Variants in SETX observed in about 807,000 individuals in gnomAD.
The protein encoded by SETX is helicase senataxin.
A neutral mutation model predicts 227.2 loss-of-function variants in SETX; 90 were observed. That is an observed-to-expected ratio of 0.40 (90% CI 0.33 to 0.47). SETX has a LOEUF of 0.47. SETX is among the 20% of genes least tolerant of loss of function. The pLI, the probability that SETX is intolerant of heterozygous loss-of-function variation, is 0.91. For missense variants in SETX, 3,052 were observed against 3,181.5 expected (o/e 0.96, Z 0.98); for synonymous variants, 1,210 against 1,113.2 (o/e 1.09, Z -1.73).
chr9:132,291,707 G>A (rs1443803030), intron 15 of SETX, among the ~76,000 whole-genome samples: 1 of 152,196 alleles, frequency 6.6e-6, no homozygotes, highest in Non-Finnish European at 1.5e-5. Context: ...AGGCTGGGCA[G>A]TGTCTAGGTG....
intron 5 of SETX, among the ~76,000 whole-genome samples, chr9:132,337,040 T>C (rs1460327637): frequency 3.3e-5 from 5 of 152,184 alleles, no homozygotes; most frequent in Non-Finnish European, 5.9e-5. Context: ...CACTCCAGCC[T>C]GGGCGACAAG....
Position 132,324,043 on chromosome 9 carries a change from C to T in SETX, c.5274+2281G>A, listed in dbSNP as rs72765819. Among the ~76,000 whole-genome samples, 1,265 of 152,192 alleles carry T rather than the reference C, an allele frequency of 8.3e-3. 7 individuals are homozygous for T. The highest frequency in any genetic ancestry group is 0.017 in the Middle Eastern group (5 of 294). ...GATAGAAATCTTTGACTATTTTAAA[C>T]TCTGTATATGTACAAATGGAACTTG... On this transcript the variant is annotated intron_variant, in intron 10 of 25. Coordinates refer to ENST00000224140, the MANE Select transcript of SETX (RefSeq NM_015046.7).
chr9:132,280,095 A>G (rs1017542160), intron 20 of SETX, among the ~76,000 whole-genome samples: 5 of 152,214 alleles, frequency 3.3e-5, no homozygotes, highest in Non-Finnish European at 1.5e-5. Flanking sequence ...GTGGCACTCA[A>G]TATATACATA....
intron 15 of SETX, among the ~76,000 whole-genome samples, chr9:132,291,168 T>TTC (rs1844278660): frequency 7.2e-6 from 1 of 139,602 alleles, no homozygotes; most frequent in East Asian, 2.1e-4. Flanking sequence ...CCTTTTTTTT[T>TTC]TTTTTTTTTT....
rs1320466105 is a variant in SETX at position 132,328,900 on chromosome 9, T to C, written c.2698A>G (p.Thr900Ala). ...TTCTCTGAAGCATTGGTCATTTCTG[T>C]AAAAGGGATCAATTCTTTACCATCA... Reference protein sequence around the residue: ...HVDGKELIPFTEMTNASEKKS... With the variant: ...HVDGKELIPFAEMTNASEKKS... Residue 900 changes from threonine to alanine, a missense_variant, in exon 10 of 26, where the codon ACA (threonine) becomes GCA (alanine). Thr to Ala is a moderately conservative substitution (Grantham distance 58). Coordinates refer to ENST00000224140, the MANE Select transcript of SETX (RefSeq NM_015046.7). The C allele has an allele frequency of 1.9e-6, 3 of 1,614,012 alleles. No individual in the cohort carries two copies. Among genetic ancestry groups the C allele is most frequent in the Non-Finnish European group, 2.5e-6 (3 of 1,179,982 alleles).
chr9:132,348,882 C>T (rs1472066558), intron 3 of SETX, among the ~76,000 whole-genome samples: 5 of 152,142 alleles, frequency 3.3e-5, no homozygotes, highest in South Asian at 2.1e-4. Context: ...GAACCGTGAT[C>T]GCACCACTGC....
chr9:132,342,573 A>T, intron 5 of SETX, 117 bp downstream of exon 5: 1 of 863,724 alleles, frequency 1.2e-6, no homozygotes, highest in Non-Finnish European at 2.0e-6. Context: ...TAAATTTTAA[A>T]GCAAGAAAAA....
intron 5 of SETX, among the ~76,000 whole-genome samples, chr9:132,339,914 C>T (rs945094569): frequency 6.6e-6 from 1 of 152,212 alleles, no homozygotes; most frequent in Non-Finnish European, 1.5e-5. Flanking sequence ...CGTGCCCAGC[C>T]ATATCTCCGG....
chr9:132,338,294 T>C (rs1847758563), intron 5 of SETX, among the ~76,000 whole-genome samples: 1 of 152,080 alleles, frequency 6.6e-6, no homozygotes, highest in South Asian at 2.1e-4. Flanking sequence ...GGTTTCACCA[T>C]GCTGGCCAGG....
rs1842490532 is a variant in SETX, at chr9:132,263,675, G to A, written c.*564C>T. 1 of 153,792 alleles carries A rather than the reference G, an allele frequency of 6.5e-6. No homozygotes were observed. Among genetic ancestry groups the A allele is most frequent in the Non-Finnish European group, 1.4e-5 (1 of 69,034 alleles). The allele number at this position is 153,792 out of a possible 1,614,324, so 9.5% of individuals were successfully genotyped here. A position where few individuals can be genotyped will look rare whatever the true frequency, so the allele number is the denominator to read the frequency against. Reference sequence around the variant, plus strand: ...CCTAGGAGACTCCAGGTTTTTGGGGGGGTTTTTGCTTTTTTTAATAGAGCC... The same window carrying A: ...CCTAGGAGACTCCAGGTTTTTGGGGAGGTTTTTGCTTTTTTTAATAGAGCC... On this transcript the variant is annotated 3_prime_UTR_variant, in exon 26 of 26. Transcript: ENST00000224140.
At chr9:132,297,593 G>T (rs559898628) in intron 13 of SETX, among the ~76,000 whole-genome samples, 1 of 152,214 alleles carries the variant, frequency 6.6e-6, no homozygotes, top group Admixed American at 6.5e-5. Context: ...TCCTTAAGAG[G>T]TGAGAACAGA....
intron 4 of SETX, among the ~76,000 whole-genome samples, chr9:132,344,649 C>T (rs1278964032): frequency 7.9e-5 from 12 of 152,118 alleles, no homozygotes; most frequent in Admixed American, 7.2e-4. Context: ...CCGAGGTGGG[C>T]GGATCACTTG....
chr9:132,342,390 G>A (rs1021596639), intron 5 of SETX, among the ~76,000 whole-genome samples: 1 of 152,118 alleles, frequency 6.6e-6, no homozygotes, highest in African/African-American at 2.4e-5. Context: ...AGTGGGTCAA[G>A]CAGGTGAGAA....
chr9:132,355,278 G>A (rs1277578909), upstream of SETX, among the ~76,000 whole-genome samples: 1 of 152,166 alleles, frequency 6.6e-6, no homozygotes, highest in Non-Finnish European at 1.5e-5. Context: ...GGGTGGGGCG[G>A]CTCCGGGATG....
At chr9:132,290,213 A>C (rs2131255800) in intron 15 of SETX, among the ~76,000 whole-genome samples, 1 of 151,990 alleles carries the variant, frequency 6.6e-6, no homozygotes. Context: ...CCGTCTCAAA[A>C]AAACAAACAA....
chr9:132,269,216 A>G (rs1322131118), intron 25 of SETX, among the ~76,000 whole-genome samples: 1 of 152,280 alleles, frequency 6.6e-6, no homozygotes, highest in East Asian at 1.9e-4. Context: ...TCCCAGTGCC[A>G]GCAGAAAAGC....
At position 132,329,768 on chromosome 9, in the gene SETX, A is replaced by G. The variant is rs1185673600; in HGVS notation, c.1830T>C (p.Ser610=). 1 of 1,614,126 alleles carries G rather than the reference A, an allele frequency of 6.2e-7. No homozygotes were observed. The highest frequency in any genetic ancestry group is 8.5e-7 in the Non-Finnish European group (1 of 1,180,008). Residue 610 remains serine (S), a synonymous_variant, in exon 10 of 26, where the codon TCT becomes TCC. Transcript: ENST00000224140. ...AAGATGCAGGAGAGATTTTACATGC[A>G]GAAGTCAGATCCACAAAAGTGTTAC... is the stretch of plus-strand genomic sequence containing the variant. ...PPCNTFVDLT[S]ACKISPASYN...
In SETX at chr9:132,329,246, T is replaced by C; in HGVS notation, c.2352A>G (p.Lys784=). 12 of 1,613,984 alleles carry C rather than the reference T, an allele frequency of 7.4e-6. No homozygotes were observed. Among genetic ancestry groups the C allele is most frequent in the Middle Eastern group, 1.7e-4 (1 of 6,058 alleles). ...KTSKRKTKVQ[K]DEICAKLSHV... ...GTGATAACTTTGCACAGATTTCATC[T>C]TTCTGTACCTTAGTTTTTCGTTTTG... The change falls in exon 10 of 26, where the codon AAA becomes AAG. Residue 784 remains lysine, a synonymous_variant. Coordinates refer to ENST00000224140, the MANE Select transcript of SETX (RefSeq NM_015046.7).
At chr9:132,296,585 A>G (rs1287142317) in intron 14 of SETX, among the ~76,000 whole-genome samples, 1 of 151,850 alleles carries the variant, frequency 6.6e-6, no homozygotes, top group African/African-American at 2.4e-5. Flanking sequence ...AAAAACCACA[A>G]TCCAACCAAA....
Sources: gnomAD v4.1 joint callset for allele counts (sites outside exome capture counted in the v4.1 genomes callset) on GRCh38, gnomAD v4.1.1 for gene constraint, MANE v1.5 for transcripts, NCBI Gene and HGNC (gene_info 2026-07-23, HGNC 2026-07-21) for gene names.